Variants in ADAM18 observed in about 807,000 individuals in gnomAD.
ADAM18 encodes the protein disintegrin and metalloproteinase domain-containing protein 18.
ADAM18 carries 117 observed loss-of-function variants against 94.4 expected under a neutral mutation model. The observed-to-expected ratio is 1.24, with a 90% CI of 1.07 to 1.45. The LOEUF is 1.45. Ranked by LOEUF, ADAM18 falls within the 40% of genes most tolerant of loss-of-function variation. ADAM18 has a pLI of 0.00. For missense variants in ADAM18, 936 were observed against 880.0 expected (o/e 1.06, Z -0.81); for synonymous variants, 327 against 291.6 (o/e 1.12, Z -1.24).
At chr8:39,588,183 T>G (rs549871480) in intron 2 of ADAM18, among the ~76,000 whole-genome samples, 2 of 152,154 alleles carry the variant, frequency 1.3e-5, no homozygotes, top group African/African-American at 4.8e-5. Context: ...CTTCTCCACA[T>G]CTTTGCCAGT....
At chr8:39,603,537 C>G (rs141842497) in intron 2 of ADAM18, among the ~76,000 whole-genome samples, 2 of 152,272 alleles carry the variant, frequency 1.3e-5, no homozygotes, top group African/African-American at 4.8e-5. Context: ...TTTACACATT[C>G]AGTGGACTAC....
intron 16 of ADAM18, among the ~76,000 whole-genome samples, chr8:39,690,979 T>C (rs1322635152): frequency 2.0e-5 from 3 of 152,108 alleles, no homozygotes; most frequent in Non-Finnish European, 4.4e-5. Context: ...CAATAGTAGA[T>C]TGGATTTTTA....
intron 10 of ADAM18, among the ~76,000 whole-genome samples, chr8:39,640,006 C>T (rs1022761377): frequency 6.6e-6 from 1 of 151,936 alleles, no homozygotes; most frequent in Non-Finnish European, 1.5e-5. Context: ...ATATGATAGA[C>T]AAAATTTTAA....
intron 2 of ADAM18, among the ~76,000 whole-genome samples, chr8:39,588,758 T>C (rs1468010123): frequency 6.6e-6 from 1 of 152,170 alleles, no homozygotes; most frequent in African/African-American, 2.4e-5. Flanking sequence ...TGAGGATTAT[T>C]ACACACTGCA....
At chr8:39,601,870 TG>T (rs1818916160) in intron 2 of ADAM18, among the ~76,000 whole-genome samples, 1 of 152,212 alleles carries the variant, frequency 6.6e-6, no homozygotes, top group South Asian at 2.1e-4. Context: ...TTCTACTTTT[TG>T]TTTCCATGAT....
At chr8:39,617,296 A>G (rs1230450955) in intron 6 of ADAM18, among the ~76,000 whole-genome samples, 3 of 152,218 alleles carry the variant, frequency 2.0e-5, no homozygotes, top group African/African-American at 7.2e-5. Context: ...ACAATGAGAT[A>G]CCATTCCACA....
chr8:39,666,594 T>G (rs918375849), intron 13 of ADAM18, among the ~76,000 whole-genome samples: 1 of 152,186 alleles, frequency 6.6e-6, no homozygotes, highest in Non-Finnish European at 1.5e-5. Context: ...TCGCAGCTCC[T>G]CATGGCTGGG....
At chr8:39,599,267 T>G (rs1035332004) in intron 2 of ADAM18, among the ~76,000 whole-genome samples, 1 of 152,206 alleles carries the variant, frequency 6.6e-6, no homozygotes. Flanking sequence ...ATAAAAAAAT[T>G]TGTATAAAAT....
chr8:39,638,629 A>G (rs1422327674), intron 10 of ADAM18, 83 bp downstream of exon 10: 1 of 730,014 alleles, frequency 1.4e-6, no homozygotes. Context: ...GTAGTTAAAT[A>G]GTGTAAAACC....
chr8:39,637,458 C>T lies in ADAM18; in HGVS notation c.661-79C>T. The T allele has an allele frequency of 4.3e-6, 6 of 1,410,860 alleles. No homozygotes were observed. The South Asian group carries it at 5.6e-5, about 13-fold the overall frequency. The allele number at this position is 1,410,860 out of a possible 1,614,324, so 87.4% of individuals were successfully genotyped here. On this transcript the variant is annotated intron_variant, in intron 8 of 19. Coordinates refer to ENST00000265707, the MANE Select transcript of ADAM18 (RefSeq NM_014237.3). ...TAGTTTAATACTGAAAATACTGGAA[C>T]ATGTTGTTTATTTTTTAATGTACCT... is the stretch of plus-strand genomic sequence containing the variant.
intron 2 of ADAM18, among the ~76,000 whole-genome samples, chr8:39,604,956 G>A (rs183236850): frequency 4.9e-4 from 75 of 152,290 alleles, no homozygotes; most frequent in African/African-American, 1.8e-3. Context: ...TTGGAGTGGA[G>A]ATTGTGTCAG....
chr8:39,594,111 G>T (rs1306224879), intron 2 of ADAM18, among the ~76,000 whole-genome samples: 1 of 151,978 alleles, frequency 6.6e-6, no homozygotes. Context: ...TTGCTGTGGG[G>T]TTGGTTCAAG....
intron 9 of ADAM18, among the ~76,000 whole-genome samples, chr8:39,638,118 T>C (rs1488665193): frequency 6.6e-6 from 1 of 151,826 alleles, no homozygotes; most frequent in Non-Finnish European, 1.5e-5. Context: ...TGCTTATCTT[T>C]AGGACTAGTA....
intron 17 of ADAM18, among the ~76,000 whole-genome samples, chr8:39,697,538 A>G (rs1821957453): frequency 6.6e-6 from 1 of 151,742 alleles, no homozygotes; most frequent in African/African-American, 2.4e-5. Context: ...TCTTCTATAT[A>G]TTTTAAACAT....
intron 6 of ADAM18, among the ~76,000 whole-genome samples, chr8:39,622,882 A>T (rs1421494069): frequency 3.9e-5 from 6 of 151,974 alleles, no homozygotes; most frequent in Non-Finnish European, 5.9e-5. Context: ...TTATATATAT[A>T]TTTTTTCGTT....
At chr8:39,592,285 GT>G (rs952873817) in intron 2 of ADAM18, among the ~76,000 whole-genome samples, 1 of 152,086 alleles carries the variant, frequency 6.6e-6, no homozygotes, top group African/African-American at 2.4e-5. Flanking sequence ...TCTATTTTTA[GT>G]TTTTTGATGT....
rs530713103 is a variant in ADAM18 at position 39,589,874 on chromosome 8, A to C, written c.132+4522A>C. Among the ~76,000 whole-genome samples the C allele has an allele frequency of 5.9e-5, 9 of 151,860 alleles. No individual in the cohort carries two copies. In the East Asian group the frequency reaches 9.7e-4, roughly 16 times the overall value. ...GGCCATCAGAGAAATGCAAATCAAA[A>C]CCACAATGAGATACCATCTCACACC... On this transcript the variant is annotated intron_variant, in intron 2 of 19. Coordinates refer to ENST00000265707, the MANE Select transcript of ADAM18 (RefSeq NM_014237.3).
intron 18 of ADAM18, among the ~76,000 whole-genome samples, chr8:39,722,285 G>A (rs1475450288): frequency 1.5e-5 from 2 of 132,438 alleles, no homozygotes; most frequent in South Asian, 2.4e-4. Flanking sequence ...TTATCCAGTC[G>A]TCCATTGATG....
intron 11 of ADAM18, 104 bp downstream of exon 11, chr8:39,645,578 GAAAGTTACATCATGCTTGT>G: frequency 9.2e-7 from 1 of 1,087,056 alleles, no homozygotes. Flanking sequence ...TCAATGGCTA[GAAAGTTACATCATGCTTGT>G]AAAGTTATCA....
Sources: gnomAD v4.1 joint callset for allele counts (sites outside exome capture counted in the v4.1 genomes callset) on GRCh38, gnomAD v4.1.1 for gene constraint, MANE v1.5 for transcripts, NCBI Gene and HGNC (gene_info 2026-07-23, HGNC 2026-07-21) for gene names.